RTN3: variants seen among roughly 807,000 people sequenced by gnomAD.
RTN3 encodes the protein reticulon 3.
Under a neutral mutation model 77.8 loss-of-function variants are expected in RTN3, and 49 were observed. The ratio of observed to expected loss-of-function variants is 0.63; its 90% confidence interval spans 0.50 to 0.80. RTN3 has a LOEUF of 0.80. Among genes scored for constraint, RTN3 ranks in the 30% least tolerant of loss-of-function variants. The pLI is 0.00. For synonymous variants in RTN3, 464 were observed against 446.9 expected (o/e 1.04, Z -0.48); for missense variants, 1,236 against 1,211.9 (o/e 1.02, Z -0.29).
At chr11:63,756,412 A>G (rs1197531193) in intron 8 of RTN3, among the ~76,000 whole-genome samples, 1 of 152,118 alleles carries the variant, frequency 6.6e-6, no homozygotes, top group African/African-American at 2.4e-5. Context: ...TTTGACTCAC[A>G]TCTGTAATGC....
intron 1 of RTN3, among the ~76,000 whole-genome samples, chr11:63,684,256 C>G (rs1941249119): frequency 6.8e-6 from 1 of 147,294 alleles, no homozygotes; most frequent in East Asian, 2.0e-4. Flanking sequence ...TCATGCCATT[C>G]TCCTGCCTCA....
chr11:63,706,591 G>A (rs1452773048), intron 2 of RTN3, among the ~76,000 whole-genome samples: 1 of 152,070 alleles, frequency 6.6e-6, no homozygotes, highest in Non-Finnish European at 1.5e-5. Context: ...TATCTTGTGG[G>A]CCAAATAATG....
chr11:63,755,956 C>CAA (rs112296263), intron 7 of RTN3, among the ~76,000 whole-genome samples, 156 bp from the exon 8 acceptor site: 14 of 115,470 alleles, frequency 1.2e-4, no homozygotes, highest in African/African-American at 1.9e-4. Flanking sequence ...GGCTCCGTCT[C>CAA]AAAAAAAAAA....
rs1427032315 is a variant in RTN3, at chr11:63,759,872, A to T, written c.*1671A>T. 6.7e-6 allele frequency: 1 copy of T among 149,984 alleles called. No individual in the cohort carries two copies. The highest frequency in any genetic ancestry group is 6.7e-5 in the Admixed American group (1 of 15,000). 9.3% of individuals were successfully genotyped at this position (149,984 alleles called of 1,614,324 possible). On this transcript the variant is annotated 3_prime_UTR_variant, in exon 9 of 9. Coordinates refer to ENST00000377819, the MANE Select transcript of RTN3 (RefSeq NM_001265589.2). ...TTCAAATTGATGTGGTATTAATAAA[A>T]AAAAAAAAAACACAAACAATGACTG...
At chr11:63,741,410 C>T (rs1173892498) in intron 3 of RTN3, among the ~76,000 whole-genome samples, 1 of 150,748 alleles carries the variant, frequency 6.6e-6, no homozygotes, top group African/African-American at 2.4e-5. Context: ...CCATGTTGGC[C>T]AGGCTGTTCC....
chr11:63,743,090 G>A lies in RTN3; in HGVS notation c.2531-6901G>A, dbSNP rs554092. ...TATTTTTTGTATATTTAGTAGAGACGGGGTTTTGCCATGTTGACCAGGCTG... is the reference window on the plus strand; with the variant it reads ...TATTTTTTGTATATTTAGTAGAGACAGGGTTTTGCCATGTTGACCAGGCTG... On this transcript the variant is annotated intron_variant, in intron 3 of 8. Transcript: ENST00000377819. 6.8e-3 allele frequency among the ~76,000 whole-genome samples: 1,029 copies of A among 152,072 alleles called. 12 individuals are homozygous for A. Among genetic ancestry groups the A allele is most frequent in the African/African-American group, 0.023 (948 of 41,480 alleles).
At chr11:63,702,976 C>T (rs983497829) in intron 1 of RTN3, among the ~76,000 whole-genome samples, 3 of 152,112 alleles carry the variant, frequency 2.0e-5, no homozygotes, top group South Asian at 4.1e-4. Flanking sequence ...TGAGCCACTG[C>T]GCCTGGCCTG....
chr11:63,718,591 T>C lies in RTN3; in HGVS notation c.200-111T>C, dbSNP rs924261663. ...TGTGTATATATACATCCTGTGTGTG[T>C]ATATATATATTTATGTAATTTAAAA... On this transcript the variant is annotated intron_variant, in intron 2 of 8. Coordinates refer to ENST00000377819, the MANE Select transcript of RTN3 (RefSeq NM_001265589.2). The C allele has an allele frequency of 9.1e-6, 6 of 655,866 alleles. No homozygotes were observed. In the East Asian group the frequency reaches 1.4e-4, roughly 16 times the overall value. The allele number at this position is 655,866 out of a possible 1,614,324, so 40.6% of individuals were successfully genotyped here. A position where few individuals can be genotyped will look rare whatever the true frequency, so the allele number is the denominator to read the frequency against.
chr11:63,685,947 A>G (rs1941346107), intron 1 of RTN3, among the ~76,000 whole-genome samples: 1 of 152,194 alleles, frequency 6.6e-6, no homozygotes, highest in South Asian at 2.1e-4. Flanking sequence ...CCAGCAATGT[A>G]GTATGCTTAG....
At chr11:63,684,648 C>T (rs1346406337) in intron 1 of RTN3, among the ~76,000 whole-genome samples, 1 of 152,104 alleles carries the variant, frequency 6.6e-6, no homozygotes, top group Non-Finnish European at 1.5e-5. Flanking sequence ...CTTAGATGTG[C>T]TGTAGACACG....
At chr11:63,704,730 TC>T (rs1942413984) in intron 1 of RTN3, 120 bp from the exon 2 acceptor site, 1 of 634,186 alleles carries the variant, frequency 1.6e-6, no homozygotes, top group Non-Finnish European at 2.8e-6. Context: ...ATTTGAGTTT[TC>T]CTCCTTGTTA....
chr11:63,720,371 A>G lies in RTN3; in HGVS notation c.1869A>G (p.Thr623=). ...STVSPNVFNE[T]EFSLNVTTSA... ...TGTCTCCAAATGTTTTTAATGAGAC[A>G]GAATTCTCATTAAATGTGACAACAT... is the stretch of plus-strand genomic sequence containing the variant. Residue 623 remains threonine (T), a synonymous_variant, in exon 3 of 9, where the codon ACA becomes ACG. Coordinates refer to ENST00000377819, the MANE Select transcript of RTN3 (RefSeq NM_001265589.2). 3.7e-6 allele frequency: 6 copies of G among 1,614,100 alleles called. No homozygotes were observed. Among genetic ancestry groups the G allele is most frequent in the Non-Finnish European group, 4.2e-6 (5 of 1,179,962 alleles).
At chr11:63,700,649 G>A (rs1942193998) in intron 1 of RTN3, among the ~76,000 whole-genome samples, 3 of 151,392 alleles carry the variant, frequency 2.0e-5, no homozygotes, top group African/African-American at 4.9e-5. Flanking sequence ...TGTCACCCAG[G>A]CTGGAGTGCA....
chr11:63,718,011 G>A (rs369794778), intron 2 of RTN3, among the ~76,000 whole-genome samples: 2 of 132,984 alleles, frequency 1.5e-5, no homozygotes, highest in Non-Finnish European at 3.2e-5. Context: ...AAAAGACTCC[G>A]TATCAAAAAA....
intron 1 of RTN3, among the ~76,000 whole-genome samples, chr11:63,682,911 C>T (rs1447470086): frequency 6.6e-6 from 1 of 151,966 alleles, no homozygotes; most frequent in African/African-American, 2.4e-5. Flanking sequence ...AAAAAAATGC[C>T]TTTTGTCAAA....
rs112701058 is a variant in RTN3 at position 63,751,848 on chromosome 11, C to T, written c.2739-659C>T. On this transcript the variant is annotated intron_variant, in intron 4 of 8. Coordinates refer to ENST00000377819, the MANE Select transcript of RTN3 (RefSeq NM_001265589.2). ...CTTTACTAAAAATATGAAAATTAGC[C>T]GGGCAAGGTGGCAGGTGCCTGTAAT... Among the ~76,000 whole-genome samples, 389 of 152,066 alleles carry T rather than the reference C, an allele frequency of 2.6e-3. 4 individuals carry two copies. The highest frequency in any genetic ancestry group is 8.1e-3 in the African/African-American group (335 of 41,462).
chr11:63,693,450 C>T (rs1941772128), intron 1 of RTN3, among the ~76,000 whole-genome samples: 1 of 151,990 alleles, frequency 6.6e-6, no homozygotes. Context: ...CACCATTGTA[C>T]TCCAGCCTGG....
intron 3 of RTN3, among the ~76,000 whole-genome samples, chr11:63,738,762 G>C (rs2013293054): frequency 6.6e-6 from 1 of 152,060 alleles, no homozygotes; most frequent in African/African-American, 2.4e-5. Context: ...ATACTTGGGA[G>C]AATAAAGTCA....
intron 1 of RTN3, among the ~76,000 whole-genome samples, chr11:63,699,155 G>A (rs1055017309): frequency 4.6e-5 from 7 of 151,998 alleles, no homozygotes; most frequent in African/African-American, 7.2e-5. Flanking sequence ...ACAAAAATTA[G>A]CCGTGTGTGG....
Sources: allele counts gnomAD v4.1 joint callset (sites outside exome capture counted in the v4.1 genomes callset), GRCh38; gene constraint gnomAD v4.1.1; transcripts MANE v1.5; gene names NCBI Gene and HGNC (gene_info 2026-07-23, HGNC 2026-07-21).